Variants in FCER1A observed in about 807,000 individuals in gnomAD.
FCER1A encodes high affinity immunoglobulin epsilon receptor subunit alpha.
Under a neutral mutation model 23.6 loss-of-function variants are expected in FCER1A, and 24 were observed. The observed-to-expected ratio is 1.02, with a 90% CI of 0.74 to 1.43. The LOEUF (loss-of-function observed/expected upper bound fraction) is 1.43. Among genes scored for constraint, FCER1A ranks in the 40% most tolerant of loss-of-function variants. FCER1A has a pLI of 0.00. For synonymous variants in FCER1A, 121 were observed against 108.8 expected, an observed-to-expected ratio of 1.11 and a Z score of -0.70; for missense variants, 318 against 294.5, an observed-to-expected ratio of 1.08 and a Z score of -0.58.
chr1:159,286,834 G>T (rs978846606), upstream of FCER1A, among the ~76,000 whole-genome samples: 2 of 152,114 alleles, frequency 1.3e-5, no homozygotes, highest in African/African-American at 4.8e-5. Context: ...TCCAGTGAAA[G>T]AAACTATTCT....
chr1:159,306,076 G>A lies in FCER1A; in HGVS notation c.420G>A (p.Val140=). 1 of 1,614,168 alleles carries A rather than the reference G, an allele frequency of 6.2e-7. No homozygotes were observed. Among genetic ancestry groups the A allele is most frequent in the Non-Finnish European group, 8.5e-7 (1 of 1,180,010 alleles). ...LRCHGWRNWD[V]YKVIYYKDGE... Reference sequence around the variant, plus strand: ...GCCATGGTTGGAGGAACTGGGATGTGTACAAGGTGATCTATTATAAGGATG... The same window carrying A: ...GCCATGGTTGGAGGAACTGGGATGTATACAAGGTGATCTATTATAAGGATG... Residue 140 remains valine (V), a synonymous_variant, in exon 4 of 5, where the codon GTG becomes GTA. Coordinates refer to ENST00000693622, the MANE Select transcript of FCER1A (RefSeq NM_001387280.1).
At chr1:159,302,911 A>T in intron 2 of FCER1A, 37 bp downstream of exon 2, 14 of 1,591,776 alleles carry the variant, frequency 8.8e-6, no homozygotes, top group Non-Finnish European at 1.0e-5. Context: ...GTGTTTCAAC[A>T]TGTCTGGGCA....
chr1:159,284,175 G>T, the FCER1A span, among the ~76,000 whole-genome samples: 1 of 152,034 alleles, frequency 6.6e-6, no homozygotes, highest in Non-Finnish European at 1.5e-5. Context: ...TATAGGGGCC[G>T]GGACATCTGT....
chr1:159,303,025 T>C, intron 2 of FCER1A, 151 bp downstream of exon 2: 1 of 770,450 alleles, frequency 1.3e-6, no homozygotes, highest in Non-Finnish European at 2.3e-6. Context: ...TTGCCTTGTC[T>C]TTCTTTTTTT....
At chr1:159,284,075 G>A in the FCER1A span, among the ~76,000 whole-genome samples, 1 of 152,144 alleles carries the variant, frequency 6.6e-6, no homozygotes, top group Non-Finnish European at 1.5e-5. Context: ...CATACAAAGG[G>A]AGGACCTTAA....
upstream of FCER1A, among the ~76,000 whole-genome samples, chr1:159,284,749 T>G (rs1651975218): frequency 1.3e-5 from 2 of 152,196 alleles, no homozygotes; most frequent in African/African-American, 4.8e-5. Context: ...AATGGGATGA[T>G]TATTACTTTT....
At chr1:159,304,785 A>T (rs1254724523) in intron 3 of FCER1A, among the ~76,000 whole-genome samples, 1 of 152,178 alleles carries the variant, frequency 6.6e-6, no homozygotes, top group South Asian at 2.1e-4. Flanking sequence ...GTCAAACAGC[A>T]TGACATATAT....
chr1:159,287,220 G>T (rs1652040086), upstream of FCER1A, among the ~76,000 whole-genome samples: 3 of 152,160 alleles, frequency 2.0e-5, no homozygotes, highest in Admixed American at 2.0e-4. Flanking sequence ...ACTGTAAAAG[G>T]CAGGGCAAAG....
At chr1:159,304,623 AATAAAAAAG>A (rs1652544865) in intron 3 of FCER1A, among the ~76,000 whole-genome samples, 1 of 151,556 alleles carries the variant, frequency 6.6e-6, no homozygotes, top group South Asian at 2.1e-4. Context: ...TAAATAAATA[AATAAAAAAG>A]ACCCCTGCAT....
At chr1:159,294,737 T>C (rs1040478013) in intron 1 of FCER1A, among the ~76,000 whole-genome samples, 2 of 152,206 alleles carry the variant, frequency 1.3e-5, no homozygotes, top group African/African-American at 4.8e-5. Context: ...ATGCTGAAAC[T>C]AAATTTTTGT....
chr1:159,295,665 TC>T (rs1286672979), intron 1 of FCER1A, among the ~76,000 whole-genome samples: 2 of 152,188 alleles, frequency 1.3e-5, no homozygotes, highest in African/African-American at 4.8e-5. Flanking sequence ...TGCAAGTGTT[TC>T]CCGTTTTGGA....
At chr1:159,285,759 G>A (rs1404624690), upstream of FCER1A, among the ~76,000 whole-genome samples, 2 of 152,024 alleles carry the variant, frequency 1.3e-5, no homozygotes, top group East Asian at 3.8e-4. Flanking sequence ...ATTCAGTGCA[G>A]CATTCTGTAT....
In FCER1A at chr1:159,292,031, T is replaced by C. The variant is rs565128728; in HGVS notation, c.-60+2278T>C. Among the ~76,000 whole-genome samples, 9 of 152,296 alleles carry C rather than the reference T, an allele frequency of 5.9e-5. No individual in the cohort carries two copies. In the East Asian group the frequency reaches 1.5e-3, roughly 26 times the overall value. Reference sequence around the variant, plus strand: ...AGTTTTCTTACCTTATCAGCTGTTTTCTCTAGCCTCTGTTCTGGGTCTTCT... The same window carrying C: ...AGTTTTCTTACCTTATCAGCTGTTTCCTCTAGCCTCTGTTCTGGGTCTTCT... On this transcript the variant is annotated intron_variant, in intron 1 of 5. Transcript: ENST00000368115.
chr1:159,303,565 T>A (rs1488485632), intron 2 of FCER1A, among the ~76,000 whole-genome samples: 1 of 152,228 alleles, frequency 6.6e-6, no homozygotes, highest in East Asian at 1.9e-4. Flanking sequence ...AATGTAACAA[T>A]GGTTGAACAT....
chr1:159,298,694 C>A (rs571571731), upstream of FCER1A, among the ~76,000 whole-genome samples: 1 of 152,284 alleles, frequency 6.6e-6, no homozygotes, highest in South Asian at 2.1e-4. Context: ...AGGAAAGAAT[C>A]CCTCTCTCCT....
upstream of FCER1A, among the ~76,000 whole-genome samples, chr1:159,286,445 G>T (rs1652019671): frequency 6.6e-6 from 1 of 151,440 alleles, no homozygotes; most frequent in African/African-American, 2.4e-5. Flanking sequence ...CCATTCTCCT[G>T]CCTCAGCCTC....
At chr1:159,289,734 T>A (rs1652101123) in exon 1 of FCER1A, 1 of 152,160 alleles carries the variant, frequency 6.6e-6, no homozygotes, top group Non-Finnish European at 1.5e-5. Context: ...ATCCTCCACC[T>A]GTCTACCACC....
At chr1:159,304,640 C>A (rs1652545632) in intron 3 of FCER1A, among the ~76,000 whole-genome samples, 3 of 152,202 alleles carry the variant, frequency 2.0e-5, no homozygotes, top group Non-Finnish European at 4.4e-5. Flanking sequence ...AAGACCCCTG[C>A]ATCTCTTTTC....
At chr1:159,293,716 C>T (rs1316595134) in intron 1 of FCER1A, among the ~76,000 whole-genome samples, 2 of 152,060 alleles carry the variant, frequency 1.3e-5, no homozygotes, top group East Asian at 1.9e-4. Flanking sequence ...CTACAAAGGA[C>T]ATGAACTCAT....
Sources: allele counts gnomAD v4.1 joint callset (sites outside exome capture counted in the v4.1 genomes callset), GRCh38; gene constraint gnomAD v4.1.1; transcripts MANE v1.5; gene names NCBI Gene and HGNC (gene_info 2026-07-23, HGNC 2026-07-21).